Variants in NTF3 observed in about 807,000 individuals in gnomAD.
The protein encoded by NTF3 is neurotrophin-3.
In NTF3, 8 loss-of-function variants were observed where a neutral mutation model predicts 26.3. That is an observed-to-expected ratio of 0.30 (90% CI 0.18 to 0.55). The LOEUF (loss-of-function observed/expected upper bound fraction) is 0.55, where lower values mean the gene tolerates loss of function less well. Among genes scored for constraint, NTF3 ranks in the 20% least tolerant of loss-of-function variants. NTF3 has a pLI of 0.93. For missense variants in NTF3, 276 were observed against 352.9 expected, an observed-to-expected ratio of 0.78 and a Z score of 1.75; for synonymous variants, 154 against 145.5, an observed-to-expected ratio of 1.06 and a Z score of -0.42.
intron 1 of NTF3, among the ~76,000 whole-genome samples, chr12:5,485,512 C>T (rs577389926): frequency 6.6e-6 from 1 of 152,300 alleles, no homozygotes; most frequent in South Asian, 2.1e-4. Flanking sequence ...GGATAATAAT[C>T]GTATCCACAA....
intron 1 of NTF3, among the ~76,000 whole-genome samples, chr12:5,491,786 G>C (rs1288338874): frequency 1.5e-5 from 2 of 134,036 alleles, no homozygotes; most frequent in African/African-American, 5.6e-5. Flanking sequence ...GTGGCGTGAT[G>C]TTGGCTCACT....
chr12:5,449,718 C>T (rs1183746553), intron 1 of NTF3, among the ~76,000 whole-genome samples: 1 of 152,172 alleles, frequency 6.6e-6, no homozygotes. Context: ...ATCACTTAGC[C>T]CCTCTGAGGT....
intron 1 of NTF3, among the ~76,000 whole-genome samples, chr12:5,463,494 C>A (rs1374627350): frequency 1.3e-5 from 2 of 152,074 alleles, no homozygotes; most frequent in East Asian, 3.9e-4. Flanking sequence ...CATTTGAGAT[C>A]AGTCCTGCAG....
At chr12:5,446,320 G>A (rs1940304842) in intron 1 of NTF3, among the ~76,000 whole-genome samples, 1 of 152,186 alleles carries the variant, frequency 6.6e-6, no homozygotes, top group Admixed American at 6.5e-5. Context: ...GGAATGATCA[G>A]ACTTCCTACA....
At chr12:5,435,734 C>T (rs1940159365) in intron 1 of NTF3, among the ~76,000 whole-genome samples, 1 of 151,914 alleles carries the variant, frequency 6.6e-6, no homozygotes, top group Non-Finnish European at 1.5e-5. Context: ...AAGTCATGAT[C>T]AAGGAAGAGA....
At chr12:5,493,401 T>C (rs2121260189) in intron 1 of NTF3, among the ~76,000 whole-genome samples, 1 of 152,380 alleles carries the variant, frequency 6.6e-6, no homozygotes, top group South Asian at 2.1e-4. Flanking sequence ...ATGACTCTTC[T>C]ATTCTGGGCA....
At chr12:5,473,544 A>G (rs777709745) in intron 1 of NTF3, among the ~76,000 whole-genome samples, 1 of 152,204 alleles carries the variant, frequency 6.6e-6, no homozygotes, top group Non-Finnish European at 1.5e-5. Flanking sequence ...CTTATTCCTA[A>G]AAATTTCCAA....
At chr12:5,455,456 C>G (rs1312576403) in intron 1 of NTF3, among the ~76,000 whole-genome samples, 6 of 151,846 alleles carry the variant, frequency 4.0e-5, no homozygotes, top group African/African-American at 1.5e-4. Context: ...TGGGCCTGGC[C>G]TCCCCTTGGA....
chr12:5,451,195 G>T (rs1940368358), intron 1 of NTF3, among the ~76,000 whole-genome samples: 1 of 152,182 alleles, frequency 6.6e-6, no homozygotes, highest in South Asian at 2.1e-4. Flanking sequence ...TACCTTATGG[G>T]ATTGTACCCC....
intron 1 of NTF3, among the ~76,000 whole-genome samples, chr12:5,459,458 C>T (rs1380846104): frequency 1.3e-5 from 2 of 152,194 alleles, no homozygotes; most frequent in African/African-American, 2.4e-5. Context: ...ACTGCACTCC[C>T]TCCTTCCCTT....
intron 1 of NTF3, among the ~76,000 whole-genome samples, chr12:5,464,260 T>A (rs1009218802): frequency 3.3e-5 from 5 of 152,228 alleles, no homozygotes; most frequent in African/African-American, 1.2e-4. Flanking sequence ...GGGGTAGAGA[T>A]GCCTGCTAAT....
intron 1 of NTF3, among the ~76,000 whole-genome samples, chr12:5,467,003 G>A (rs142308642): frequency 7.2e-5 from 11 of 152,132 alleles, no homozygotes; most frequent in Middle Eastern, 3.4e-3. Flanking sequence ...AGGCCAGGGC[G>A]GTTGGATCAC....
rs145595452 is a variant in NTF3, at chr12:5,468,697, C to T, written c.19-25497C>T. Among the ~76,000 whole-genome samples the T allele has an allele frequency of 1.2e-3, 184 of 152,304 alleles. 1 individual carries two copies. Among genetic ancestry groups the T allele is most frequent in the African/African-American group, 4.2e-3 (174 of 41,562 alleles). ...CCACACCTGAATTCTACCAGCCTGA[C>T]GCCAATGCTGCTCCGCTTATGCTGG... On this transcript the variant is annotated intron_variant, in intron 1 of 1. Coordinates refer to ENST00000423158, the MANE Select transcript of NTF3 (RefSeq NM_001102654.2).
At chr12:5,482,442 T>C (rs948147371) in intron 1 of NTF3, among the ~76,000 whole-genome samples, 4 of 152,212 alleles carry the variant, frequency 2.6e-5, no homozygotes, top group Non-Finnish European at 4.4e-5. Flanking sequence ...ACCCGCATGT[T>C]CACTTCCCTG....
intron 1 of NTF3, among the ~76,000 whole-genome samples, chr12:5,445,872 T>C (rs1940299506): frequency 1.3e-5 from 2 of 152,208 alleles, no homozygotes; most frequent in Admixed American, 1.3e-4. Context: ...TCAACTAATA[T>C]GGGCTAAGGC....
intron 1 of NTF3, among the ~76,000 whole-genome samples, chr12:5,469,721 A>G (rs1336553666): frequency 6.6e-6 from 1 of 152,076 alleles, no homozygotes; most frequent in Non-Finnish European, 1.5e-5. Context: ...CAAAATAACA[A>G]CAATTTTTGA....
intron 1 of NTF3, among the ~76,000 whole-genome samples, chr12:5,466,303 G>T (rs548622401): frequency 6.6e-6 from 1 of 152,180 alleles, no homozygotes; most frequent in African/African-American, 2.4e-5. Flanking sequence ...GCACTGTGGC[G>T]AGAGCAGCTA....
intron 1 of NTF3, among the ~76,000 whole-genome samples, chr12:5,482,427 A>C (rs928500892): frequency 1.3e-5 from 2 of 152,130 alleles, no homozygotes; most frequent in Non-Finnish European, 2.9e-5. Flanking sequence ...TGCTGCATTG[A>C]TAGCACCCGC....
intron 1 of NTF3, among the ~76,000 whole-genome samples, chr12:5,457,669 C>T (rs775653637): frequency 9.9e-5 from 15 of 152,166 alleles, no homozygotes; most frequent in Admixed American, 7.2e-4. Context: ...ATCCAGCTTC[C>T]CTATAGATAC....
Sources: gnomAD v4.1 joint callset for allele counts (sites outside exome capture counted in the v4.1 genomes callset) on GRCh38, gnomAD v4.1.1 for gene constraint, MANE v1.5 for transcripts, NCBI Gene and HGNC (gene_info 2026-07-23, HGNC 2026-07-21) for gene names.